Variants in ZNF729 observed in about 807,000 individuals in gnomAD.
ZNF729 encodes the protein zinc finger protein 729.
A neutral mutation model predicts 12.2 loss-of-function variants in ZNF729; 15 were observed. The observed-to-expected ratio is 1.23, with a 90% confidence interval of 0.82 to 1.89. The LOEUF is 1.89. ZNF729 is among the 40% of genes most tolerant of loss of function. The probability of loss-of-function intolerance (pLI) is 0.00; values close to 1 mark genes in which losing one functional copy is unlikely to be tolerated. For missense variants in ZNF729, 1,540 were observed against 1,456.7 expected, an observed-to-expected ratio of 1.06 and a Z score of -0.93; for synonymous variants, 492 against 476.3, an observed-to-expected ratio of 1.03 and a Z score of -0.43.
intron 1 of ZNF729, among the ~76,000 whole-genome samples, chr19:22,298,027 A>AC (rs1968254400): frequency 7.1e-6 from 1 of 140,112 alleles, no homozygotes; most frequent in African/African-American, 2.6e-5. Context: ...AAAAAAAAAA[A>AC]CACAAAACAT....
rs1968509564 is a variant in ZNF729, at chr19:22,315,007, C to T, written c.1590C>T (p.Thr530=). Residue 530 remains threonine, a synonymous_variant, in exon 4 of 4, where the codon ACC becomes ACT. Coordinates refer to ENST00000601693, the MANE Select transcript of ZNF729 (RefSeq NM_001242680.2). ...ECGKAFSQSS[T]LRNHQIIHTG... ...GGAAAGCTTTTAGCCAGTCCTCAACCCTTAGAAACCATCAGATAATTCATA... is the reference window on the plus strand; with the variant it reads ...GGAAAGCTTTTAGCCAGTCCTCAACTCTTAGAAACCATCAGATAATTCATA... The T allele has an allele frequency of 6.2e-7, 1 of 1,611,394 alleles. No homozygotes were observed. Among genetic ancestry groups the T allele is most frequent in the Non-Finnish European group, 8.5e-7 (1 of 1,179,642 alleles).
chr19:22,286,471 T>C lies in ZNF729; in HGVS notation c.-55T>C, dbSNP rs892821750. The C allele has an allele frequency of 1.5e-5, 24 of 1,608,948 alleles. No individual in the cohort carries two copies. In the African/African-American group the frequency reaches 2.7e-4, roughly 18 times the overall value. ...TCCCGGTCTCGCCTTCACTGCTGTG[T>C]GTCCTCAGCCTCTGTGGCCCTGTAA... is the stretch of plus-strand genomic sequence containing the variant. On this transcript the variant is annotated 5_prime_UTR_variant, in exon 1 of 4. Coordinates refer to ENST00000601693, the MANE Select transcript of ZNF729 (RefSeq NM_001242680.2).
Position 22,302,007 on chromosome 19 carries a change from T to G in ZNF729, c.31-1751T>G, listed in dbSNP as rs564533343. Among the ~76,000 whole-genome samples the G allele has an allele frequency of 3.3e-5, 5 of 152,426 alleles. No homozygotes were observed. The East Asian group carries it at 9.6e-4, about 29-fold the overall frequency. On this transcript the variant is annotated intron_variant, in intron 1 of 3. Transcript: ENST00000601693. The stretch of plus-strand genomic sequence containing the variant: ...CACTGGAAACCCTCTCACAATCACC[T>G]AGGCATCTTTGAGACATTTGAGGAT...
chr19:22,306,352 T>C (rs1968376839), intron 3 of ZNF729, among the ~76,000 whole-genome samples: 1 of 150,730 alleles, frequency 6.6e-6, no homozygotes, highest in African/African-American at 2.4e-5. Flanking sequence ...GGCAGGAGAA[T>C]CAGTTGAACC....
Position 22,316,589 on chromosome 19 carries a change from A to C in ZNF729, c.3172A>C (p.Lys1058Gln), listed in dbSNP as rs759634571. 1 of 1,613,290 alleles carries C rather than the reference A, an allele frequency of 6.2e-7. No individual in the cohort carries two copies. The highest frequency in any genetic ancestry group is 1.7e-5 in the Admixed American group (1 of 59,996). The change falls in exon 4 of 4, where the codon AAG becomes CAG. Residue 1058 changes from lysine (K) to glutamine (Q), a missense_variant. Physicochemically the swap from Lys to Gln is moderately conservative, Grantham distance 53 (BLOSUM62 1). Transcript: ENST00000601693. The stretch of plus-strand genomic sequence containing the variant: ...ATGTGAAGAATGTGGTAAAGCTTTT[A>C]AGTGGTCCTCAAAACTTACTGAACA... The part of the protein sequence containing the change: ...YKCEECGKAF[K>Q]WSSKLTEHKV...
chr19:22,304,929 C>T (rs374980121), intron 3 of ZNF729, 146 bp downstream of exon 3: 30 of 763,492 alleles, frequency 3.9e-5, no homozygotes, highest in Admixed American at 9.3e-5. Context: ...TTTGCTCTCA[C>T]GTAGAGGCAT....
Position 22,316,945 on chromosome 19 carries a change from T to C in ZNF729, c.3528T>C (p.Thr1176=), listed in dbSNP as rs1296421195. 9 of 1,612,326 alleles carry C rather than the reference T, an allele frequency of 5.6e-6. No homozygotes were observed. Among genetic ancestry groups the C allele is most frequent in the Admixed American group, 1.7e-5 (1 of 59,942 alleles). The part of the protein sequence containing the change: ...GKAFNQSSHL[T]RHKTIHTGEK... ...CCTTTAACCAGTCCTCACACCTTAC[T>C]AGACACAAAACAATTCATACTGGAG... The change falls in exon 4 of 4, where the codon ACT becomes ACC. Residue 1176 remains threonine, a synonymous_variant. Transcript: ENST00000601693.
chr19:22,312,440 T>TTGTGTGTATGTGTGTGTG (rs756607431), intron 3 of ZNF729, among the ~76,000 whole-genome samples: 95 of 144,672 alleles, frequency 6.6e-4, no homozygotes, highest in African/African-American at 2.3e-3. Flanking sequence ...TTGTCTGAAA[T>TTGTGTGTATGTGTGTGTG]TGTGTGTGTG....
chr19:22,312,069 C>A (rs1030730653), intron 3 of ZNF729, among the ~76,000 whole-genome samples: 2 of 151,886 alleles, frequency 1.3e-5, no homozygotes, highest in African/African-American at 4.8e-5. Context: ...GAATAGCAAG[C>A]CATTTTCATG....
chr19:22,314,011 T>G lies in ZNF729; in HGVS notation c.594T>G (p.His198Gln). ...TCATGCTTTCATGCTTAATTCGACA[T>G]AAGAGAATTCATATTAGACAGAATA... ...SFFMLSCLIRHKRIHIRQNIY... is the reference protein window; with the variant it reads ...SFFMLSCLIRQKRIHIRQNIY... The change falls in exon 4 of 4, where the codon CAT becomes CAG. Residue 198 changes from histidine to glutamine, a missense_variant. Coordinates refer to ENST00000601693, the MANE Select transcript of ZNF729 (RefSeq NM_001242680.2). The G allele has an allele frequency of 6.5e-7, 1 of 1,540,790 alleles. No homozygotes were observed. The highest frequency in any genetic ancestry group is 8.7e-7 in the Non-Finnish European group (1 of 1,146,136).
At chr19:22,302,220 C>G (rs1183416521) in intron 1 of ZNF729, among the ~76,000 whole-genome samples, 1 of 152,308 alleles carries the variant, frequency 6.6e-6, no homozygotes, top group Non-Finnish European at 1.5e-5. Context: ...TCCTGAGACT[C>G]AAACAGGTAA....
chr19:22,304,070 C>T (rs1370465098), intron 2 of ZNF729, among the ~76,000 whole-genome samples, 186 bp downstream of exon 2: 1 of 134,712 alleles, frequency 7.4e-6, no homozygotes, highest in Non-Finnish European at 1.6e-5. Context: ...AGGAGTTTCA[C>T]TCTTGTTGCC....
intron 1 of ZNF729, 40 bp downstream of exon 1, chr19:22,286,595 G>A: frequency 6.2e-7 from 1 of 1,612,922 alleles, no homozygotes; most frequent in Non-Finnish European, 8.5e-7. Flanking sequence ...AGGGGAAGGG[G>A]CTGATTGGAA....
rs768331326 is a variant in ZNF729, at chr19:22,314,654, T to C, written c.1237T>C (p.Phe413Leu). ...PYKCEECGKA[F>L]SQFSTLKKHK... Reference sequence around the variant, plus strand: ...CAAATGTGAAGAATGTGGCAAAGCTTTTAGCCAGTTCTCAACCCTTAAAAA... The same window carrying C: ...CAAATGTGAAGAATGTGGCAAAGCTCTTAGCCAGTTCTCAACCCTTAAAAA... The change falls in exon 4 of 4, where the codon TTT (phenylalanine) becomes CTT (leucine). Residue 413 changes from phenylalanine to leucine, a missense_variant. By Grantham distance (22) the Phe-to-Leu change is conservative. Coordinates refer to ENST00000601693, the MANE Select transcript of ZNF729 (RefSeq NM_001242680.2). 1.2e-6 allele frequency: 2 copies of C among 1,612,690 alleles called. No homozygotes were observed. Among genetic ancestry groups the C allele is most frequent in the Admixed American group, 1.7e-5 (1 of 60,012 alleles).
chr19:22,313,665 T>C lies in ZNF729; in HGVS notation c.254-6T>C. On this transcript the variant is annotated splice_polypyrimidine_tract_variant and splice_region_variant and intron_variant, in intron 3 of 3. Transcript: ENST00000601693. ...TGGAATAATTTGTTATTTTTATTTC[T>C]TCTAGTTATGCGTTCTCATTTTACA... 6.9e-7 allele frequency: 1 copy of C among 1,451,444 alleles called. No homozygotes were observed. Among genetic ancestry groups the C allele is most frequent in the South Asian group, 1.6e-5 (1 of 63,756 alleles). 89.9% of individuals were successfully genotyped at this position (1,451,444 alleles called of 1,614,324 possible).
intron 1 of ZNF729, among the ~76,000 whole-genome samples, chr19:22,300,457 C>T (rs1368704937): frequency 1.3e-5 from 2 of 152,184 alleles, no homozygotes; most frequent in Non-Finnish European, 2.9e-5. Context: ...TTCACAAAAA[C>T]TGTCTAGAAT....
intron 3 of ZNF729, among the ~76,000 whole-genome samples, chr19:22,309,967 T>TC (rs913040091): frequency 1.3e-5 from 2 of 151,786 alleles, no homozygotes; most frequent in African/African-American, 2.4e-5. Flanking sequence ...TTTTTTTTTT[T>TC]CACGGCTATT....
intron 3 of ZNF729, among the ~76,000 whole-genome samples, chr19:22,311,332 A>G (rs1401469521): frequency 3.3e-5 from 5 of 152,108 alleles, no homozygotes; most frequent in African/African-American, 1.2e-4. Flanking sequence ...GTTTGGGGCT[A>G]TGAACTTTCC....
intron 1 of ZNF729, among the ~76,000 whole-genome samples, chr19:22,298,784 G>A (rs992374053): frequency 2.0e-5 from 3 of 152,200 alleles, no homozygotes; most frequent in African/African-American, 7.2e-5. Flanking sequence ...AAAGTGCTGG[G>A]ATTACAGGCA....
Sources: allele counts gnomAD v4.1 joint callset (sites outside exome capture counted in the v4.1 genomes callset), GRCh38; gene constraint gnomAD v4.1.1; transcripts MANE v1.5; gene names NCBI Gene and HGNC (gene_info 2026-07-23, HGNC 2026-07-21).